Variants in DPF3 observed in about 807,000 individuals in gnomAD.
DPF3 encodes the protein zinc finger protein DPF3.
In DPF3, 18 loss-of-function variants were observed where a neutral mutation model predicts 56.8. That is an observed-to-expected ratio of 0.32 (90% CI 0.22 to 0.47). DPF3 has a LOEUF of 0.47. Among genes scored for constraint, DPF3 ranks in the 20% least tolerant of loss-of-function variants. The probability of loss-of-function intolerance (pLI) is 1.00; values close to 1 mark genes in which losing one functional copy is unlikely to be tolerated. For synonymous variants in DPF3, 188 were observed against 180.2 expected (o/e 1.04, Z -0.35); for missense variants, 403 against 488.8 (o/e 0.82, Z 1.65).
intron 8 of DPF3, among the ~76,000 whole-genome samples, chr14:72,672,814 G>A (rs1313561146): frequency 6.6e-6 from 1 of 152,086 alleles, no homozygotes; most frequent in Non-Finnish European, 1.5e-5. Flanking sequence ...AGTCCATAAC[G>A]TGTTGCTTAG....
At chr14:72,766,951 A>G (rs983549402) in intron 2 of DPF3, among the ~76,000 whole-genome samples, 7 of 152,222 alleles carry the variant, frequency 4.6e-5, no homozygotes, top group African/African-American at 1.4e-4. Context: ...GAGAAGGCCA[A>G]GGGAAGAGCT....
chr14:72,751,463 T>G (rs990636966), intron 3 of DPF3, among the ~76,000 whole-genome samples: 4 of 152,156 alleles, frequency 2.6e-5, no homozygotes, highest in African/African-American at 9.7e-5. Context: ...GGACCAAGCT[T>G]CTGCACGTCT....
chr14:72,893,246 C>T (rs1886847331), intron 1 of DPF3, among the ~76,000 whole-genome samples: 1 of 152,140 alleles, frequency 6.6e-6, no homozygotes, highest in Admixed American at 6.5e-5. Context: ...GCCTCAGCGC[C>T]TCACCCAGAG....
chr14:72,865,858 C>A (rs977530252), intron 1 of DPF3, among the ~76,000 whole-genome samples: 5 of 152,074 alleles, frequency 3.3e-5, no homozygotes, highest in Non-Finnish European at 5.9e-5. Flanking sequence ...ACCAGCCTGG[C>A]CAACATGATG....
chr14:72,841,264 G>A lies in DPF3; in HGVS notation c.32+52793C>T, dbSNP rs1320126170. 3.9e-5 allele frequency among the ~76,000 whole-genome samples: 6 copies of A among 152,310 alleles called. No individual in the cohort carries two copies. The East Asian group carries it at 1.2e-3, about 29-fold the overall frequency. On this transcript the variant is annotated intron_variant, in intron 1 of 10. Transcript: ENST00000556509. Reference sequence around the variant, plus strand: ...TTATAAGGTACCTGGGGCTGGATGGGAAGGCACTTCTATCTTCTGCATTTC... The same window carrying A: ...TTATAAGGTACCTGGGGCTGGATGGAAAGGCACTTCTATCTTCTGCATTTC...
intron 1 of DPF3, among the ~76,000 whole-genome samples, chr14:72,785,821 G>A (rs940328068): frequency 2.0e-5 from 3 of 152,330 alleles, no homozygotes; most frequent in Admixed American, 6.5e-5. Flanking sequence ...AGCAAGGGGC[G>A]ATGGACTTGA....
intron 1 of DPF3, among the ~76,000 whole-genome samples, chr14:72,817,461 A>G (rs1883339359): frequency 6.6e-6 from 1 of 152,178 alleles, no homozygotes; most frequent in Non-Finnish European, 1.5e-5. Flanking sequence ...GTTCGAGACC[A>G]GCCTGGCTGG....
intron 1 of DPF3, among the ~76,000 whole-genome samples, chr14:72,833,220 C>T (rs1298492270): frequency 6.6e-6 from 1 of 152,150 alleles, no homozygotes; most frequent in Non-Finnish European, 1.5e-5. Context: ...CTATTGACCA[C>T]AGCAAATGGA....
chr14:72,812,147 A>G (rs146711727), intron 1 of DPF3, among the ~76,000 whole-genome samples: 7 of 152,204 alleles, frequency 4.6e-5, no homozygotes, highest in Non-Finnish European at 1.0e-4. Context: ...CTGCAGCACC[A>G]TGAGATACCA....
intron 1 of DPF3, chr14:72,836,173 GGA>G: frequency 2.0e-6 from 2 of 986,166 alleles, no homozygotes; most frequent in Non-Finnish European, 2.4e-6. Flanking sequence ...AGAAGGGGTT[GGA>G]GCCTCTGGGG....
chr14:72,771,279 C>T (rs543954612), intron 2 of DPF3, among the ~76,000 whole-genome samples: 14 of 152,102 alleles, frequency 9.2e-5, no homozygotes, highest in Middle Eastern at 6.8e-3. Flanking sequence ...TTAATTCAGA[C>T]GAAATCTTAT....
At chr14:72,833,257 G>A (rs1300474497) in intron 1 of DPF3, among the ~76,000 whole-genome samples, 9 of 152,214 alleles carry the variant, frequency 5.9e-5, no homozygotes. Flanking sequence ...GAGGGCAGAT[G>A]TGTCTGAGAG....
chr14:72,659,755 T>C (rs1886151949), intron 8 of DPF3, among the ~76,000 whole-genome samples: 2 of 152,328 alleles, frequency 1.3e-5, no homozygotes, highest in African/African-American at 2.4e-5. Flanking sequence ...TTTGAGTCAC[T>C]ATAGGAAGTG....
chr14:72,849,857 C>T (rs1472851430), intron 1 of DPF3, among the ~76,000 whole-genome samples: 2 of 152,174 alleles, frequency 1.3e-5, no homozygotes, highest in South Asian at 2.1e-4. Flanking sequence ...GTGGCTCATG[C>T]CTGTAATCTC....
intron 1 of DPF3, among the ~76,000 whole-genome samples, chr14:72,795,872 T>C (rs74357478): frequency 2.6e-5 from 4 of 152,352 alleles, no homozygotes; most frequent in Admixed American, 6.5e-5. Flanking sequence ...TTCCACAAAC[T>C]CAGGCCCCAT....
Position 72,679,495 on chromosome 14 carries a change from C to A in DPF3, c.743-5127G>T, listed in dbSNP as rs1050132646. ...CAGCTGAGCAGCTCCATTTCTGGAG[C>A]CTGCTAGCCTGGGAAGTTGGGGTGC... On this transcript the variant is annotated intron_variant, in intron 7 of 10. Transcript: ENST00000556509. Among the ~76,000 whole-genome samples the A allele has an allele frequency of 1.2e-4, 18 of 152,212 alleles. 1 individual carries two copies. The highest frequency in any genetic ancestry group is 9.8e-4 in the Admixed American group (15 of 15,286).
In DPF3 at chr14:72,610,301, C is replaced by T. The variant is rs1883645320; in HGVS notation, c.*8996G>A. Among the ~76,000 whole-genome samples, 2 of 152,292 alleles carry T rather than the reference C, an allele frequency of 1.3e-5. No individual in the cohort carries two copies. Among genetic ancestry groups the T allele is most frequent in the East Asian group, 1.9e-4 (1 of 5,176 alleles). ...GAGCCTGTGCAGGCCTGAGCTTCCT[C>T]GTGGAGCAGCAGGTAGGCAGCTCAT... On this transcript the variant is annotated 3_prime_UTR_variant, in exon 11 of 11. Coordinates refer to ENST00000556509, the MANE Select transcript of DPF3 (RefSeq NM_001280542.3).
In DPF3 at chr14:72,613,173, G is replaced by A. The variant is rs568164943; in HGVS notation, c.*6124C>T. ...ATGCAGTGAGTGAAAATATAACCTGGGAGTCTGTAGGGTTGTGTTGCTGAG... is the reference window on the plus strand; with the variant it reads ...ATGCAGTGAGTGAAAATATAACCTGAGAGTCTGTAGGGTTGTGTTGCTGAG... On this transcript the variant is annotated 3_prime_UTR_variant, in exon 11 of 11. Transcript: ENST00000556509. Among the ~76,000 whole-genome samples, 10 of 152,300 alleles carry A rather than the reference G, an allele frequency of 6.6e-5. 1 individual carries two copies. The South Asian group carries it at 2.1e-3, about 32-fold the overall frequency.
In DPF3 at chr14:72,612,224, GC is replaced by G. The variant is rs1883769386; in HGVS notation, c.*7072del. On this transcript the variant is annotated 3_prime_UTR_variant, in exon 11 of 11. Coordinates refer to ENST00000556509, the MANE Select transcript of DPF3 (RefSeq NM_001280542.3). Reference sequence around the variant, plus strand: ...CTTTCCTGGCCAGAGGAGCACAAATGCCCCCTAAGCATCTGACCATTCATTG... The same window carrying G: ...CTTTCCTGGCCAGAGGAGCACAAATGCCCCTAAGCATCTGACCATTCATTG... Among the ~76,000 whole-genome samples the G allele has an allele frequency of 6.6e-6, 1 of 152,212 alleles. No homozygotes were observed. Among genetic ancestry groups the G allele is most frequent in the Non-Finnish European group, 1.5e-5 (1 of 68,018 alleles).
Sources: gnomAD v4.1 joint callset for allele counts (sites outside exome capture counted in the v4.1 genomes callset) on GRCh38, gnomAD v4.1.1 for gene constraint, MANE v1.5 for transcripts, NCBI Gene and HGNC (gene_info 2026-07-23, HGNC 2026-07-21) for gene names.